The following CIMIP5 variants were observed in gnomAD, a reference collection of about 807,000 sequenced individuals.
CIMIP5 encodes the protein ciliary microtubule inner protein 5.
chr2:11,151,591 C>G, the CIMIP5 span, among the ~76,000 whole-genome samples: 2 of 152,232 alleles, frequency 1.3e-5, no homozygotes, highest in Non-Finnish European at 2.9e-5. Context: ...ATCAGTCTCC[C>G]TGAGCAGAGC....
chr2:11,151,954 G>A, the CIMIP5 span, among the ~76,000 whole-genome samples: 1 of 152,240 alleles, frequency 6.6e-6, no homozygotes, highest in African/African-American at 2.4e-5. Flanking sequence ...AGTTTTTAAA[G>A]ATAATTTGGC....
At chr2:11,148,157 G>A in the CIMIP5 span, among the ~76,000 whole-genome samples, 3 of 149,714 alleles carry the variant, frequency 2.0e-5, no homozygotes, top group Non-Finnish European at 4.4e-5. Context: ...CCAGCTTGTC[G>A]CCCAAGCTGG....
At chr2:11,141,969 A>T in the CIMIP5 span, among the ~76,000 whole-genome samples, 1 of 152,118 alleles carries the variant, frequency 6.6e-6, no homozygotes, top group African/African-American at 2.4e-5. Context: ...GGATCTCACT[A>T]CAAAAAGGAT....
chr2:11,140,870 C>T, the CIMIP5 span, among the ~76,000 whole-genome samples: 1 of 152,034 alleles, frequency 6.6e-6, no homozygotes, highest in South Asian at 2.1e-4. Flanking sequence ...GTGGCGTGCC[C>T]GAGAAGGACA....
the CIMIP5 span, among the ~76,000 whole-genome samples, chr2:11,141,800 C>A: frequency 6.6e-6 from 1 of 151,564 alleles, no homozygotes; most frequent in South Asian, 2.1e-4. Flanking sequence ...ATAGGGAGAC[C>A]CTGTCTCTAC....
chr2:11,140,211 TA>T, the CIMIP5 span, among the ~76,000 whole-genome samples: 803 of 149,744 alleles, frequency 5.4e-3, 5 homozygotes, highest in African/African-American at 0.017. Flanking sequence ...CCATCTCTAC[TA>T]AAAATACAAA....
At chr2:11,140,671 G>A in the CIMIP5 span, 9 of 659,680 alleles carry the variant, frequency 1.4e-5, no homozygotes, top group African/African-American at 1.5e-4. Context: ...GCAGCGATGA[G>A]TCAAATACAC....
the CIMIP5 span, chr2:11,144,119 G>A: frequency 1.3e-6 from 2 of 1,568,712 alleles, no homozygotes; most frequent in Non-Finnish European, 1.7e-6. Flanking sequence ...TAGGAGCAAG[G>A]AGGGCTGGGC....
At chr2:11,148,692 T>C in the CIMIP5 span, among the ~76,000 whole-genome samples, 3 of 150,302 alleles carry the variant, frequency 2.0e-5, no homozygotes, top group Admixed American at 2.0e-4. Flanking sequence ...CATGGGTTCA[T>C]ACCAATAATT....
At chr2:11,146,249 C>T in the CIMIP5 span, among the ~76,000 whole-genome samples, 5 of 152,276 alleles carry the variant, frequency 3.3e-5, no homozygotes, top group Admixed American at 3.3e-4. Flanking sequence ...ATAAATGAGG[C>T]AACTAAAGCG....
the CIMIP5 span, chr2:11,145,832 G>C: frequency 6.6e-6 from 1 of 152,196 alleles, no homozygotes; most frequent in African/African-American, 2.4e-5. Context: ...AGAATCTCCC[G>C]ACACCCACAC....
the CIMIP5 span, among the ~76,000 whole-genome samples, chr2:11,149,848 A>G: frequency 5.9e-5 from 9 of 152,246 alleles, no homozygotes; most frequent in Non-Finnish European, 1.3e-4. Flanking sequence ...TCTAAAGGAC[A>G]CTTTGCAGAC....
chr2:11,143,487 CTT>C, the CIMIP5 span, among the ~76,000 whole-genome samples: 1 of 150,044 alleles, frequency 6.7e-6, no homozygotes, highest in Non-Finnish European at 1.5e-5. Context: ...GGCATCTTCA[CTT>C]TGTGAACATT....
At chr2:11,145,874 C>T in the CIMIP5 span, 1 of 152,170 alleles carries the variant, frequency 6.6e-6, no homozygotes, top group Non-Finnish European at 1.5e-5. Flanking sequence ...AAAAACTGGC[C>T]AAAACAAAAA....
At chr2:11,147,333 G>A in the CIMIP5 span, among the ~76,000 whole-genome samples, 8 of 152,266 alleles carry the variant, frequency 5.3e-5, no homozygotes, top group African/African-American at 1.2e-4. Flanking sequence ...ATAAAATGGC[G>A]CGGGAGGGAA....
chr2:11,144,085 C>A, the CIMIP5 span: 1 of 1,598,178 alleles, frequency 6.3e-7, no homozygotes. Context: ...GAAGAAGAAG[C>A]TGGAGGACCA....
chr2:11,150,433 A>G, the CIMIP5 span, among the ~76,000 whole-genome samples: 1 of 151,300 alleles, frequency 6.6e-6, no homozygotes, highest in Non-Finnish European at 1.5e-5. Context: ...CCCAGGTTCA[A>G]GCAATTCTCC....
At chr2:11,136,549 C>T in the CIMIP5 span, among the ~76,000 whole-genome samples, 32 of 151,962 alleles carry the variant, frequency 2.1e-4, no homozygotes, top group East Asian at 1.2e-3. Context: ...TCAGGAGTTG[C>T]GCATTAAAAA....
chr2:11,142,958 C>A, the CIMIP5 span, among the ~76,000 whole-genome samples: 63 of 152,188 alleles, frequency 4.1e-4, no homozygotes, highest in African/African-American at 1.3e-3. Flanking sequence ...TCCGCCAAGG[C>A]TTCTCAAAGT....
Sources: gnomAD v4.1 joint callset for allele counts (sites outside exome capture counted in the v4.1 genomes callset) on GRCh38, gnomAD v4.1.1 for gene constraint, MANE v1.5 for transcripts, NCBI Gene and HGNC (gene_info 2026-07-23, HGNC 2026-07-21) for gene names.